Variants in TAF4B observed in about 807,000 individuals in gnomAD.
TAF4B encodes the protein transcription initiation factor TFIID subunit 4B.
A neutral mutation model predicts 86.4 loss-of-function variants in TAF4B; 38 were observed. That is an observed-to-expected ratio of 0.44 (90% confidence interval 0.34 to 0.58). The LOEUF (loss-of-function observed/expected upper bound fraction) is 0.58, where lower values mean the gene tolerates loss of function less well. TAF4B is among the 20% of genes least tolerant of loss of function. The probability of loss-of-function intolerance (pLI) is 0.02; values close to 1 mark genes in which losing one functional copy is unlikely to be tolerated. For synonymous variants in TAF4B, 388 were observed against 391.2 expected (o/e 0.99, Z 0.10); for missense variants, 988 against 1,027.6 (o/e 0.96, Z 0.53).
At chr18:26,303,156 T>C (rs2056757226) in intron 9 of TAF4B, among the ~76,000 whole-genome samples, 1 of 76,612 alleles carries the variant, frequency 1.3e-5, no homozygotes, top group Non-Finnish European at 2.5e-5. Context: ...CCCTCCACTT[T>C]CATACTCCCT....
At chr18:26,229,325 G>C (rs1297400203) in intron 1 of TAF4B, among the ~76,000 whole-genome samples, 1 of 152,066 alleles carries the variant, frequency 6.6e-6, no homozygotes, top group Non-Finnish European at 1.5e-5. Flanking sequence ...ATTTGCTTTT[G>C]GGAATTTTCT....
chr18:26,351,433 G>C (rs1423375238), intron 13 of TAF4B, among the ~76,000 whole-genome samples: 1 of 152,090 alleles, frequency 6.6e-6, no homozygotes. Flanking sequence ...GATAGGAGAA[G>C]TAAGTTCTAT....
intron 14 of TAF4B, among the ~76,000 whole-genome samples, chr18:26,380,547 C>A (rs537570158): frequency 6.6e-6 from 1 of 152,290 alleles, no homozygotes; most frequent in Admixed American, 6.5e-5. Context: ...TACTGAATGT[C>A]TTTCTCGTGA....
At chr18:26,311,842 TAGA>T (rs143001170) in intron 9 of TAF4B, among the ~76,000 whole-genome samples, 6,608 of 152,252 alleles carry the variant, frequency 0.043, 195 homozygotes, top group Non-Finnish European at 0.061. Flanking sequence ...GACTTTACTT[TAGA>T]AGAAGTAGTC....
intron 14 of TAF4B, among the ~76,000 whole-genome samples, chr18:26,358,077 T>A (rs1480608661): frequency 1.3e-5 from 2 of 152,206 alleles, no homozygotes; most frequent in Non-Finnish European, 2.9e-5. Flanking sequence ...AATTTTTTAT[T>A]TCTGTACATT....
At chr18:26,267,649 C>T in intron 3 of TAF4B, 26 bp downstream of exon 3, 1 of 1,494,484 alleles carries the variant, frequency 6.7e-7, no homozygotes, top group Non-Finnish European at 9.3e-7. Context: ...CATTCGTGCA[C>T]TTGTTGTTCT....
At chr18:26,227,406 C>T (rs1355082984) in intron 1 of TAF4B, 130 bp downstream of exon 1, 2 of 802,764 alleles carry the variant, frequency 2.5e-6, no homozygotes, top group East Asian at 5.8e-5. Context: ...TTACAGTTAA[C>T]ATATTCTTTT....
At chr18:26,328,953 A>T (rs2057029413) in intron 12 of TAF4B, among the ~76,000 whole-genome samples, 1 of 151,448 alleles carries the variant, frequency 6.6e-6, no homozygotes, top group African/African-American at 2.4e-5. Flanking sequence ...CTACACATAC[A>T]ATCATTAATC....
In TAF4B at chr18:26,292,356, A is replaced by T; in HGVS notation, c.1701A>T (p.Ile567=). The part of the protein sequence containing the change: ...CGQKTMPVNT[I]IPTSQFPPAS... ...AGAAGACGATGCCAGTGAACACCAT[A>T]ATACCTACTAGTCAGTTTCCTCCAG... The change falls in exon 8 of 15, where the codon ATA becomes ATT. Residue 567 remains isoleucine (I), a synonymous_variant. Transcript: ENST00000269142. The T allele has an allele frequency of 1.2e-6, 2 of 1,614,048 alleles. No individual in the cohort carries two copies. The highest frequency in any genetic ancestry group is 1.1e-5 in the South Asian group (1 of 91,044).
intron 12 of TAF4B, among the ~76,000 whole-genome samples, chr18:26,332,213 A>C (rs2057055606): frequency 6.6e-6 from 1 of 152,186 alleles, no homozygotes; most frequent in African/African-American, 2.4e-5. Context: ...TTTACTTCAT[A>C]ACTGACAACC....
At chr18:26,242,678 A>C (rs183384933) in intron 1 of TAF4B, among the ~76,000 whole-genome samples, 23 of 152,258 alleles carry the variant, frequency 1.5e-4, no homozygotes, top group Non-Finnish European at 2.5e-4. Flanking sequence ...TCTTCCTAGC[A>C]TCGATGGTCT....
chr18:26,241,783 T>A (rs897177972), intron 1 of TAF4B, among the ~76,000 whole-genome samples: 3 of 152,242 alleles, frequency 2.0e-5, no homozygotes, highest in Non-Finnish European at 2.9e-5. Context: ...TGGTATGTTG[T>A]GTCTTTGTTC....
Position 26,226,848 on chromosome 18 carries a change from A to C in TAF4B, c.-86A>C. On this transcript the variant is annotated 5_prime_UTR_variant, in exon 1 of 15. Coordinates refer to ENST00000269142, the MANE Select transcript of TAF4B (RefSeq NM_005640.3). Reference sequence around the variant, plus strand: ...AGCGATGCTGTGGAACCCGAACCGCACCGGAGTCGGCTGCCGCGCGCCAAG... The same window carrying C: ...AGCGATGCTGTGGAACCCGAACCGCCCCGGAGTCGGCTGCCGCGCGCCAAG... 2 of 1,134,538 alleles carry C rather than the reference A, an allele frequency of 1.8e-6. No individual in the cohort carries two copies. The highest frequency in any genetic ancestry group is 2.3e-6 in the Non-Finnish European group (2 of 872,612). The allele number at this position is 1,134,538 out of a possible 1,614,324, so 70.3% of individuals were successfully genotyped here. A position where few individuals can be genotyped will look rare whatever the true frequency, so the allele number is the denominator to read the frequency against.
At chr18:26,377,314 T>G (rs765788206) in intron 14 of TAF4B, among the ~76,000 whole-genome samples, 31 of 152,206 alleles carry the variant, frequency 2.0e-4, no homozygotes, top group Non-Finnish European at 3.2e-4. Context: ...CTGTGCTCTT[T>G]GGGAAAACTT....
intron 14 of TAF4B, among the ~76,000 whole-genome samples, chr18:26,360,633 T>A (rs1184602830): frequency 1.3e-5 from 2 of 152,188 alleles, no homozygotes; most frequent in South Asian, 2.1e-4. Flanking sequence ...TGAGTAAGAG[T>A]TGACGTGTGT....
intron 9 of TAF4B, 63 bp downstream of exon 9, chr18:26,293,594 A>C: frequency 1.0e-6 from 1 of 970,648 alleles, no homozygotes; most frequent in Non-Finnish European, 1.5e-6. Flanking sequence ...AGGAGAGATG[A>C]CAGAATAATA....
chr18:26,319,220 G>A lies in TAF4B; in HGVS notation c.2003-1850G>A, dbSNP rs574091965. On this transcript the variant is annotated intron_variant, in intron 10 of 14. Coordinates refer to ENST00000269142, the MANE Select transcript of TAF4B (RefSeq NM_005640.3). ...AAAATAATAATAATAGGCCAGGAGC[G>A]GTGGCTTACACCTGTAATCCCAGCA... Among the ~76,000 whole-genome samples, 6 of 150,254 alleles carry A rather than the reference G, an allele frequency of 4.0e-5. No homozygotes were observed. The East Asian group carries it at 7.9e-4, about 20-fold the overall frequency.
chr18:26,341,817 G>T (rs1010362916), intron 13 of TAF4B, among the ~76,000 whole-genome samples: 3 of 152,106 alleles, frequency 2.0e-5, no homozygotes, highest in Admixed American at 6.5e-5. Context: ...TTAAGATAAG[G>T]TGGACTGGTG....
intron 14 of TAF4B, among the ~76,000 whole-genome samples, chr18:26,367,925 T>A (rs1417604089): frequency 6.6e-6 from 1 of 152,174 alleles, no homozygotes; most frequent in African/African-American, 2.4e-5. Context: ...GTGCCTATTT[T>A]TCCATTTTCT....
Sources: gnomAD v4.1 joint callset for allele counts (sites outside exome capture counted in the v4.1 genomes callset) on GRCh38, gnomAD v4.1.1 for gene constraint, MANE v1.5 for transcripts, NCBI Gene and HGNC (gene_info 2026-07-23, HGNC 2026-07-21) for gene names.